The following GALNTL6 variants were observed in gnomAD, a reference collection of about 807,000 sequenced individuals.
GALNTL6 encodes polypeptide N-acetylgalactosaminyltransferase-like 6.
Under a neutral mutation model 73.7 loss-of-function variants are expected in GALNTL6, and 46 were observed. The observed-to-expected ratio is 0.62, with a 90% CI of 0.49 to 0.80. The LOEUF is 0.80. Ranked by LOEUF, GALNTL6 falls within the 30% of genes least tolerant of loss-of-function variation. The probability of loss-of-function intolerance (pLI) is 0.00; values close to 1 mark genes in which losing one functional copy is unlikely to be tolerated. For synonymous variants in GALNTL6, 259 were observed against 263.7 expected, an observed-to-expected ratio of 0.98 and a Z score of 0.17; for missense variants, 604 against 755.0, an observed-to-expected ratio of 0.80 and a Z score of 2.34.
chr4:172,247,296 T>C (rs558891114), intron 3 of GALNTL6, among the ~76,000 whole-genome samples: 8 of 152,270 alleles, frequency 5.3e-5, no homozygotes, highest in African/African-American at 1.4e-4. Flanking sequence ...TGAAGCCACA[T>C]ATCATCATGT....
intron 8 of GALNTL6, among the ~76,000 whole-genome samples, chr4:172,915,792 T>C (rs1747472373): frequency 6.6e-6 from 1 of 152,172 alleles, no homozygotes; most frequent in South Asian, 2.1e-4. Flanking sequence ...ACCAGATGGA[T>C]TCACAGCCGA....
At chr4:171,935,115 G>T in intron 2 of GALNTL6, among the ~76,000 whole-genome samples, 1 of 152,094 alleles carries the variant, frequency 6.6e-6, no homozygotes, top group African/African-American at 2.4e-5. Flanking sequence ...ACCCTAAGTT[G>T]CTTGGGCAGT....
At chr4:172,075,466 C>T (rs952835341) in intron 2 of GALNTL6, among the ~76,000 whole-genome samples, 10 of 152,044 alleles carry the variant, frequency 6.6e-5, no homozygotes, top group Non-Finnish European at 1.2e-4. Context: ...TCCCGAGTAG[C>T]TGGGACTACA....
intron 5 of GALNTL6, among the ~76,000 whole-genome samples, chr4:172,447,519 T>C (rs1732067087): frequency 6.6e-6 from 1 of 152,182 alleles, no homozygotes; most frequent in Admixed American, 6.5e-5. Context: ...CATGTAGGTA[T>C]ACCTGGCTTA....
chr4:172,058,132 T>C (rs916844439), intron 2 of GALNTL6, among the ~76,000 whole-genome samples: 1 of 151,406 alleles, frequency 6.6e-6, no homozygotes, highest in Non-Finnish European at 1.5e-5. Context: ...TTTTGTTTTG[T>C]TTTGTTTTGT....
chr4:172,876,847 T>C (rs1476095937), intron 7 of GALNTL6, among the ~76,000 whole-genome samples: 2 of 152,188 alleles, frequency 1.3e-5, no homozygotes, highest in Non-Finnish European at 2.9e-5. Context: ...CACAATTGAA[T>C]TCTAGTTGAA....
At chr4:173,011,767 C>G (rs1752564410) in intron 11 of GALNTL6, among the ~76,000 whole-genome samples, 1 of 152,150 alleles carries the variant, frequency 6.6e-6, no homozygotes, top group South Asian at 2.1e-4. Flanking sequence ...CATTTCATTG[C>G]AACTCAGTTT....
At chr4:172,148,317 TAG>T (rs1259938057) in intron 2 of GALNTL6, among the ~76,000 whole-genome samples, 1 of 152,202 alleles carries the variant, frequency 6.6e-6, no homozygotes, top group African/African-American at 2.4e-5. Flanking sequence ...TATTACACAC[TAG>T]AGATCCATTA....
At chr4:172,218,203 T>C (rs1736555768) in intron 2 of GALNTL6, among the ~76,000 whole-genome samples, 1 of 152,146 alleles carries the variant, frequency 6.6e-6, no homozygotes, top group African/African-American at 2.4e-5. Context: ...GTGAGACAGA[T>C]AAGCTAGAGT....
At chr4:172,720,821 T>C (rs1735425623) in intron 5 of GALNTL6, among the ~76,000 whole-genome samples, 1 of 152,226 alleles carries the variant, frequency 6.6e-6, no homozygotes, top group African/African-American at 2.4e-5. Flanking sequence ...CTCCACTTAT[T>C]CTACCTTTCT....
intron 5 of GALNTL6, among the ~76,000 whole-genome samples, chr4:172,364,155 C>T (rs1262343169): frequency 6.6e-6 from 1 of 152,166 alleles, no homozygotes; most frequent in South Asian, 2.1e-4. Context: ...CATGGTAGCT[C>T]ATGCCTGTAT....
intron 2 of GALNTL6, among the ~76,000 whole-genome samples, chr4:172,121,392 T>C (rs1420254060): frequency 6.6e-6 from 1 of 152,064 alleles, no homozygotes; most frequent in African/African-American, 2.4e-5. Context: ...CCTCACTTCA[T>C]GGCCTTCCCC....
intron 7 of GALNTL6, among the ~76,000 whole-genome samples, chr4:172,856,795 A>G (rs1744144806): frequency 6.6e-6 from 1 of 152,202 alleles, no homozygotes; most frequent in Non-Finnish European, 1.5e-5. Context: ...TTAAGAAACC[A>G]CTTTCACAGC....
chr4:172,940,187 C>CTTT (rs34843916), intron 9 of GALNTL6, among the ~76,000 whole-genome samples: 2 of 128,826 alleles, frequency 1.6e-5, no homozygotes, highest in East Asian at 2.3e-4. Context: ...CCTCGCAAAA[C>CTTT]TTTTTTTTTT....
At chr4:172,067,021 G>A (rs1480644368) in intron 2 of GALNTL6, among the ~76,000 whole-genome samples, 1 of 151,942 alleles carries the variant, frequency 6.6e-6, no homozygotes, top group African/African-American at 2.4e-5. Flanking sequence ...CATAAAGGAT[G>A]ATGTGTCTTA....
chr4:172,179,967 G>A (rs1439477795), intron 2 of GALNTL6, among the ~76,000 whole-genome samples: 1 of 152,150 alleles, frequency 6.6e-6, no homozygotes, highest in Non-Finnish European at 1.5e-5. Flanking sequence ...ATCCAGTAAT[G>A]TGATTGCTAG....
chr4:172,211,348 C>A (rs147358609), intron 2 of GALNTL6, among the ~76,000 whole-genome samples: 4 of 152,242 alleles, frequency 2.6e-5, no homozygotes, highest in African/African-American at 9.6e-5. Context: ...TGTATTTACA[C>A]GTATGTCTAA....
chr4:171,885,752 G>A (rs1736590426), intron 2 of GALNTL6, among the ~76,000 whole-genome samples: 1 of 152,070 alleles, frequency 6.6e-6, no homozygotes, highest in African/African-American at 2.4e-5. Flanking sequence ...CTGCAGTAAG[G>A]CATGATTGCA....
chr4:171,939,584 A>T (rs1738460786), intron 2 of GALNTL6, among the ~76,000 whole-genome samples: 1 of 152,022 alleles, frequency 6.6e-6, no homozygotes, highest in South Asian at 2.1e-4. Context: ...AAGTCCCCAA[A>T]TCATGCAAAC....
Sources: allele counts gnomAD v4.1 joint callset (sites outside exome capture counted in the v4.1 genomes callset), GRCh38; gene constraint gnomAD v4.1.1; transcripts MANE v1.5; gene names NCBI Gene and HGNC (gene_info 2026-07-23, HGNC 2026-07-21).